Variants in GNAQ observed in about 807,000 individuals in gnomAD.
GNAQ encodes the protein G protein subunit alpha q.
GNAQ carries 8 observed loss-of-function variants against 43.9 expected under a neutral mutation model. That is an observed-to-expected ratio of 0.18 (90% confidence interval 0.11 to 0.33). The LOEUF is 0.33. Ranked by LOEUF, GNAQ falls within the 10% of genes least tolerant of loss-of-function variation. GNAQ has a pLI of 1.00. For synonymous variants in GNAQ, 155 were observed against 170.7 expected, an observed-to-expected ratio of 0.91 and a Z score of 0.71; for missense variants, 158 against 450.8, an observed-to-expected ratio of 0.35 and a Z score of 5.88.
chr9:77,959,494 G>T (rs1166015548), intron 1 of GNAQ, among the ~76,000 whole-genome samples: 2 of 152,076 alleles, frequency 1.3e-5, no homozygotes, highest in Non-Finnish European at 2.9e-5. Flanking sequence ...TGCAAGTCAG[G>T]ATTTTATAGA....
intron 2 of GNAQ, among the ~76,000 whole-genome samples, chr9:77,915,968 C>A (rs530681347): frequency 2.0e-5 from 3 of 152,290 alleles, no homozygotes; most frequent in South Asian, 2.1e-4. Context: ...TATTGTTGAG[C>A]CTTCCCCTGT....
rs575568346 is a variant in GNAQ at position 77,848,459 on chromosome 9, C to T, written c.322-32689G>A. Among the ~76,000 whole-genome samples, 12 of 152,370 alleles carry T rather than the reference C, an allele frequency of 7.9e-5. No individual in the cohort carries two copies. In the South Asian group the frequency reaches 2.5e-3, roughly 32 times the overall value. The stretch of plus-strand genomic sequence containing the variant: ...ACTCTCTTAACAAGCAACCCCATTG[C>T]TGGCATCTCTGAGGCAGCAATTCAA... On this transcript the variant is annotated intron_variant, in intron 2 of 6. Transcript: ENST00000286548.
chr9:77,722,372 G>A (rs1033294887), intron 6 of GNAQ, among the ~76,000 whole-genome samples: 1 of 151,942 alleles, frequency 6.6e-6, no homozygotes, highest in Admixed American at 6.6e-5. Flanking sequence ...CCTAATCTCA[G>A]GTGATCCACC....
intron 2 of GNAQ, among the ~76,000 whole-genome samples, chr9:77,910,953 C>T (rs1828791578): frequency 6.6e-6 from 1 of 152,162 alleles, no homozygotes; most frequent in Admixed American, 6.6e-5. Context: ...ACACAGTACA[C>T]AAAACCCATC....
intron 1 of GNAQ, among the ~76,000 whole-genome samples, chr9:77,951,032 C>G (rs1452380128): frequency 6.6e-6 from 1 of 151,482 alleles, no homozygotes; most frequent in African/African-American, 2.4e-5. Flanking sequence ...TATCTTCACC[C>G]CAGTATACTT....
intron 4 of GNAQ, among the ~76,000 whole-genome samples, chr9:77,795,845 T>G (rs948776948): frequency 5.3e-5 from 8 of 152,204 alleles, no homozygotes; most frequent in Non-Finnish European, 1.0e-4. Context: ...AAATTATACT[T>G]CTAAGTCATT....
chr9:77,950,447 C>T (rs138644051), intron 1 of GNAQ, among the ~76,000 whole-genome samples: 169 of 152,364 alleles, frequency 1.1e-3, no homozygotes, highest in African/African-American at 3.8e-3. Context: ...TCCCACAAGC[C>T]TTCCCCATTC....
At position 77,991,424 on chromosome 9, in the gene GNAQ, C is replaced by T. The variant is rs184142056; in HGVS notation, c.136+39676G>A. Among the ~76,000 whole-genome samples the T allele has an allele frequency of 2.9e-4, 44 of 152,258 alleles. 1 individual carries two copies. In the East Asian group the frequency reaches 7.5e-3, roughly 26 times the overall value. On this transcript the variant is annotated intron_variant, in intron 1 of 6. Transcript: ENST00000286548. ...CGTTTCAACAATAAATACCACAGTC[C>T]TTAATTAGAACCAGTATGCTAACCC...
intron 2 of GNAQ, among the ~76,000 whole-genome samples, chr9:77,917,111 A>G (rs989064700): frequency 1.4e-4 from 21 of 152,198 alleles, no homozygotes; most frequent in African/African-American, 5.1e-4. Context: ...ATAATTTTCA[A>G]TCTGAGAAAA....
intron 1 of GNAQ, among the ~76,000 whole-genome samples, chr9:77,957,489 G>T (rs955920060): frequency 4.6e-5 from 7 of 152,162 alleles, no homozygotes; most frequent in African/African-American, 1.7e-4. Flanking sequence ...ACTACACACA[G>T]GAAGGCGCAG....
At chr9:77,985,509 T>C (rs1053280691) in intron 1 of GNAQ, among the ~76,000 whole-genome samples, 1 of 152,232 alleles carries the variant, frequency 6.6e-6, no homozygotes, top group African/African-American at 2.4e-5. Flanking sequence ...CCTATAAAAG[T>C]ACAAGGTGTT....
intron 1 of GNAQ, among the ~76,000 whole-genome samples, chr9:78,030,286 A>G (rs1824034269): frequency 6.6e-6 from 1 of 152,280 alleles, no homozygotes; most frequent in East Asian, 1.9e-4. Context: ...GGTCGCTGTC[A>G]ACAACCACAC....
intron 2 of GNAQ, among the ~76,000 whole-genome samples, chr9:77,840,136 T>G (rs932464973): frequency 6.6e-6 from 1 of 152,222 alleles, no homozygotes; most frequent in African/African-American, 2.4e-5. Context: ...CTTTGCCATT[T>G]TGGATGCATA....
intron 2 of GNAQ, among the ~76,000 whole-genome samples, chr9:77,914,539 G>A (rs894524995): frequency 6.6e-6 from 1 of 152,148 alleles, no homozygotes; most frequent in African/African-American, 2.4e-5. Flanking sequence ...GCGCATGCCT[G>A]TAATCCCAGC....
chr9:78,022,879 G>A (rs1018663092), intron 1 of GNAQ, among the ~76,000 whole-genome samples: 1 of 152,106 alleles, frequency 6.6e-6, no homozygotes, highest in African/African-American at 2.4e-5. Flanking sequence ...AGGCTGATTG[G>A]GTATAACAAA....
chr9:78,023,862 C>A (rs1322279021), intron 1 of GNAQ, among the ~76,000 whole-genome samples: 1 of 146,252 alleles, frequency 6.8e-6, no homozygotes, highest in Non-Finnish European at 1.5e-5. Context: ...GGTAACAGAG[C>A]CAAAAAGTCT....
At chr9:78,014,714 A>G (rs543959594) in intron 1 of GNAQ, among the ~76,000 whole-genome samples, 1 of 152,340 alleles carries the variant, frequency 6.6e-6, no homozygotes, top group Non-Finnish European at 1.5e-5. Flanking sequence ...ATTAATAACG[A>G]TGCTGAGTTC....
chr9:77,902,402 CCTT>C (rs1371146473), intron 2 of GNAQ, among the ~76,000 whole-genome samples: 2 of 152,192 alleles, frequency 1.3e-5, no homozygotes, highest in Non-Finnish European at 2.9e-5. Flanking sequence ...CTAGCATCCT[CCTT>C]AATCTAAAAT....
intron 1 of GNAQ, among the ~76,000 whole-genome samples, chr9:78,025,447 G>C (rs1030198762): frequency 6.6e-6 from 1 of 152,104 alleles, no homozygotes; most frequent in Non-Finnish European, 1.5e-5. Flanking sequence ...ACCAACAATC[G>C]CACATTTTAC....
Sources: allele counts gnomAD v4.1 joint callset (sites outside exome capture counted in the v4.1 genomes callset), GRCh38; gene constraint gnomAD v4.1.1; transcripts MANE v1.5; gene names NCBI Gene and HGNC (gene_info 2026-07-23, HGNC 2026-07-21).